SULT2B1: variants seen among roughly 807,000 people sequenced by gnomAD.
SULT2B1 encodes the protein sulfotransferase family 2B member 1, also known as sulfotransferase 2B1.
SULT2B1 carries 16 observed loss-of-function variants against 33.2 expected under a neutral mutation model. The observed-to-expected ratio is 0.48, with a 90% confidence interval of 0.33 to 0.73. SULT2B1 has a LOEUF of 0.73. Among genes scored for constraint, SULT2B1 ranks in the 30% least tolerant of loss-of-function variants. The probability of loss-of-function intolerance (pLI) is 0.02; values close to 1 mark genes in which losing one functional copy is unlikely to be tolerated. For synonymous variants in SULT2B1, 186 were observed against 200.5 expected, an observed-to-expected ratio of 0.93 and a Z score of 0.61; for missense variants, 500 against 506.0, an observed-to-expected ratio of 0.99 and a Z score of 0.11.
chr19:48,559,245 TG>T (rs1973143776), intron 1 of SULT2B1, among the ~76,000 whole-genome samples: 1 of 152,034 alleles, frequency 6.6e-6, no homozygotes, highest in Non-Finnish European at 1.5e-5. Context: ...ACTCGCTCTT[TG>T]GGGTGGGGGG....
At chr19:48,554,282 C>G (rs980148143) in intron 1 of SULT2B1, among the ~76,000 whole-genome samples, 1 of 150,682 alleles carries the variant, frequency 6.6e-6, no homozygotes, top group African/African-American at 2.4e-5. Flanking sequence ...CCTCCCAGAC[C>G]CCCTCAGATA....
At chr19:48,581,340 G>A (rs1037733935) in intron 2 of SULT2B1, among the ~76,000 whole-genome samples, 4 of 151,432 alleles carry the variant, frequency 2.6e-5, no homozygotes, top group African/African-American at 4.9e-5. Context: ...CACCGCACCT[G>A]GCCATATATT....
Position 48,599,341 on chromosome 19 carries a change from C to T in SULT2B1, c.1033C>T (p.Pro345Ser), listed in dbSNP as rs1973768301. The T allele has an allele frequency of 6.3e-7, 1 of 1,591,810 alleles. No individual in the cohort carries two copies. Among genetic ancestry groups the T allele is most frequent in the Non-Finnish European group, 8.6e-7 (1 of 1,169,034 alleles). The change falls in exon 7 of 7, where the codon CCC (proline) becomes TCC (serine). Residue 345 changes from proline (P) to serine (S), a missense_variant. Physicochemically the swap from Pro to Ser is moderately conservative, Grantham distance 74. Coordinates refer to ENST00000201586, the MANE Select transcript of SULT2B1 (RefSeq NM_177973.2). This position sits in a 1 kb window ranked among gnomAD's most constrained non-coding sequence, Gnocchi z 4.1. ...PNTSLEREPR[P>S]NSSPSPSPGQ... is the part of the protein sequence containing the mutation. ...CACCAGCCTGGAGCGTGAGCCCAGA[C>T]CCAACTCCAGCCCCAGCCCCAGCCC...
chr19:48,575,940 GC>G lies in SULT2B1; in HGVS notation c.73del (p.Gln25ArgfsTer52). ...DTYEDDISEI[S>X]QKLPGEYFRY... ...ATGGCGTCTCCCCCACCTTTCCACA[GC>G]CAGAAGTTGCCAGGTGAATACTTCC... On this transcript the variant is annotated frameshift_variant and splice_region_variant, in exon 2 of 7. Transcript: ENST00000201586. LOFTEE classifies it high-confidence loss of function. 1 of 1,611,096 alleles carries G rather than the reference GC, an allele frequency of 6.2e-7. No homozygotes were observed. The highest frequency in any genetic ancestry group is 8.5e-7 in the Non-Finnish European group (1 of 1,177,632).
At chr19:48,561,627 G>T (rs765855685) in intron 1 of SULT2B1, among the ~76,000 whole-genome samples, 90 of 152,222 alleles carry the variant, frequency 5.9e-4, no homozygotes, top group Non-Finnish European at 1.1e-3. Flanking sequence ...GACATTCAGG[G>T]AACAAGCCAA....
chr19:48,558,638 CT>C (rs1425550239), intron 1 of SULT2B1, among the ~76,000 whole-genome samples: 1 of 151,704 alleles, frequency 6.6e-6, no homozygotes, highest in Non-Finnish European at 1.5e-5. Flanking sequence ...GGCCAAAGCC[CT>C]GCCAGTCATG....
chr19:48,597,640 G>A (rs1356364880), intron 6 of SULT2B1, among the ~76,000 whole-genome samples: 1 of 45,854 alleles, frequency 2.2e-5, no homozygotes, highest in Non-Finnish European at 4.0e-5. Flanking sequence ...ACCGCGCCCG[G>A]CCTTTTCTTT....
chr19:48,555,611 G>T (rs1252431003), intron 1 of SULT2B1, among the ~76,000 whole-genome samples: 1 of 147,358 alleles, frequency 6.8e-6, no homozygotes, highest in Non-Finnish European at 1.5e-5. Flanking sequence ...GCCTTGCTCT[G>T]TGGCTCACAC....
At chr19:48,565,050 A>T (rs2665598) in intron 1 of SULT2B1, among the ~76,000 whole-genome samples, 1,673 of 152,058 alleles carry the variant, frequency 0.011, 30 homozygotes, top group African/African-American at 0.039. Flanking sequence ...CAGCCTCCCA[A>T]AGTGCTGGGA....
rs769942417 is a variant in SULT2B1, at chr19:48,599,222, C to G, written c.914C>G (p.Pro305Arg). The G allele has an allele frequency of 2.1e-5, 34 of 1,607,692 alleles. No homozygotes were observed. The highest frequency in any genetic ancestry group is 2.8e-5 in the Non-Finnish European group (33 of 1,178,206). Residue 305 changes from proline to arginine, a missense_variant, in exon 7 of 7, where the codon CCG becomes CGG. Pro to Arg is a moderately radical substitution (Grantham distance 103, BLOSUM62 -2). Transcript: ENST00000201586. The surrounding 1 kb of genome is among the most constrained non-coding windows in gnomAD (Gnocchi z 4.1). The part of the protein sequence containing the change: ...RAYRKQMRGM[P>R]TFPWDEDPEE... ...TACCGCAAGCAGATGCGGGGGATGC[C>G]GACCTTCCCCTGGGATGAAGACCCG...
intron 1 of SULT2B1, among the ~76,000 whole-genome samples, chr19:48,557,560 T>G (rs1198495112): frequency 6.6e-6 from 1 of 151,202 alleles, no homozygotes; most frequent in Non-Finnish European, 1.5e-5. Context: ...AAAAGAAATT[T>G]AATATGTGTT....
chr19:48,597,414 G>A (rs1048243871), intron 6 of SULT2B1, among the ~76,000 whole-genome samples: 6 of 148,340 alleles, frequency 4.0e-5, no homozygotes, highest in Middle Eastern at 3.2e-3. Flanking sequence ...CGCGATCTCG[G>A]CTCACTGCGA....
At chr19:48,556,126 CT>C (rs1184078129) in intron 1 of SULT2B1, among the ~76,000 whole-genome samples, 1 of 152,194 alleles carries the variant, frequency 6.6e-6, no homozygotes, top group Non-Finnish European at 1.5e-5. Flanking sequence ...CTGGGCTGAC[CT>C]CTGCCCTCTC....
chr19:48,592,499 T>C (rs923620008), intron 4 of SULT2B1, among the ~76,000 whole-genome samples: 1 of 151,970 alleles, frequency 6.6e-6, no homozygotes, highest in African/African-American at 2.4e-5. Flanking sequence ...GCGGACTGGA[T>C]GGACAGATAG....
intron 5 of SULT2B1, chr19:48,596,331 G>C (rs945179986): frequency 2.3e-5 from 4 of 171,996 alleles, no homozygotes; most frequent in Non-Finnish European, 5.0e-5. Flanking sequence ...GGGAGGAGCA[G>C]GTTTGAGATG....
chr19:48,573,630 T>A (rs1973360749), intron 1 of SULT2B1, among the ~76,000 whole-genome samples: 1 of 152,058 alleles, frequency 6.6e-6, no homozygotes, highest in African/African-American at 2.4e-5. Context: ...GTAGGACTAC[T>A]GCTCGGTGCA....
intron 3 of SULT2B1, among the ~76,000 whole-genome samples, chr19:48,589,927 C>T (rs563707538): frequency 6.6e-6 from 1 of 152,338 alleles, no homozygotes; most frequent in East Asian, 1.9e-4. Flanking sequence ...GCCACAGGCA[C>T]TCCAGCCTCA....
chr19:48,588,799 G>C (rs972466355), intron 3 of SULT2B1, among the ~76,000 whole-genome samples: 3 of 152,062 alleles, frequency 2.0e-5, no homozygotes, highest in South Asian at 2.1e-4. Flanking sequence ...TCTAGAGGAA[G>C]AGCATTTCAG....
At chr19:48,584,328 T>C (rs1973535024) in intron 2 of SULT2B1, among the ~76,000 whole-genome samples, 1 of 152,058 alleles carries the variant, frequency 6.6e-6, no homozygotes, top group Non-Finnish European at 1.5e-5. Flanking sequence ...CCACTGAAAT[T>C]TGCTAGGGGG....
Sources: gnomAD v4.1 joint callset for allele counts (sites outside exome capture counted in the v4.1 genomes callset) on GRCh38, gnomAD v4.1.1 for gene constraint, Gnocchi (gnomAD v3.1) non-coding constraint, MANE v1.5 for transcripts, NCBI Gene and HGNC (gene_info 2026-07-23, HGNC 2026-07-21) for gene names.